NELL2: variants seen among roughly 807,000 people sequenced by gnomAD.
The protein encoded by NELL2 is neural EGFL like 2, also known as protein kinase C-binding protein NELL2.
A neutral mutation model predicts 109.6 loss-of-function variants in NELL2; 41 were observed. The ratio of observed to expected loss-of-function variants is 0.37; its 90% confidence interval spans 0.29 to 0.49. NELL2 has a LOEUF of 0.49. Ranked by LOEUF, NELL2 falls within the 20% of genes least tolerant of loss-of-function variation. NELL2 has a pLI of 0.98. For synonymous variants in NELL2, 355 were observed against 344.7 expected (o/e 1.03, Z -0.33); for missense variants, 900 against 1,008.3 (o/e 0.89, Z 1.45).
intron 9 of NELL2, among the ~76,000 whole-genome samples, chr12:44,767,906 G>A (rs1941399105): frequency 6.6e-6 from 1 of 152,114 alleles, no homozygotes; most frequent in Non-Finnish European, 1.5e-5. Flanking sequence ...CTGTTTGCAT[G>A]GTTTGCAGAT....
chr12:44,693,764 C>T (rs1948973650), intron 12 of NELL2, among the ~76,000 whole-genome samples: 1 of 152,142 alleles, frequency 6.6e-6, no homozygotes, highest in Non-Finnish European at 1.5e-5. Flanking sequence ...TTAGCTATGT[C>T]ACTTAGTAGG....
chr12:44,686,956 C>A (rs973610696), intron 12 of NELL2, among the ~76,000 whole-genome samples: 1 of 152,232 alleles, frequency 6.6e-6, no homozygotes, highest in Non-Finnish European at 1.5e-5. Flanking sequence ...GTTCTAGCTT[C>A]CCTGCTGCTT....
chr12:44,582,136 G>A (rs1041692115), intron 15 of NELL2, among the ~76,000 whole-genome samples: 1 of 152,216 alleles, frequency 6.6e-6, no homozygotes, highest in Non-Finnish European at 1.5e-5. Context: ...AGGGTGCTTT[G>A]ACAGAGAAAG....
rs138444333 is a variant in NELL2, at chr12:44,637,229, T to C, written c.1445-26259A>G. ...AGATTCATTGATTTTTGAAGGGTTTTTTGTGTCTGTATCTCCTTCAGTTCA... is the reference window on the plus strand; with the variant it reads ...AGATTCATTGATTTTTGAAGGGTTTCTTGTGTCTGTATCTCCTTCAGTTCA... On this transcript the variant is annotated intron_variant, in intron 13 of 19. Coordinates refer to ENST00000429094, the MANE Select transcript of NELL2 (RefSeq NM_001145108.2). Among the ~76,000 whole-genome samples the C allele has an allele frequency of 2.4e-3, 369 of 151,954 alleles. 1 individual carries two copies. Among genetic ancestry groups the C allele is most frequent in the African/African-American group, 8.5e-3 (351 of 41,458 alleles).
At chr12:44,849,350 T>C (rs575165793) in intron 2 of NELL2, among the ~76,000 whole-genome samples, 2 of 152,066 alleles carry the variant, frequency 1.3e-5, no homozygotes, top group Non-Finnish European at 2.9e-5. Flanking sequence ...AATAAAAAGA[T>C]GCAAATCTCA....
chr12:44,807,011 G>T (rs1041821056), intron 3 of NELL2, among the ~76,000 whole-genome samples: 1 of 151,270 alleles, frequency 6.6e-6, no homozygotes, highest in African/African-American at 2.4e-5. Context: ...GACTAAGACA[G>T]GGAAACCATA....
chr12:44,805,140 C>A (rs1942957331), intron 3 of NELL2, among the ~76,000 whole-genome samples: 1 of 151,736 alleles, frequency 6.6e-6, no homozygotes, highest in African/African-American at 2.4e-5. Flanking sequence ...TAGAAAGAAA[C>A]CATATTACTG....
chr12:44,862,540 T>C (rs977255786), intron 2 of NELL2, among the ~76,000 whole-genome samples: 5 of 152,242 alleles, frequency 3.3e-5, no homozygotes, highest in Admixed American at 3.3e-4. Flanking sequence ...TAAATAACTC[T>C]AAAAACAGTT....
At chr12:44,557,680 G>C (rs1943308841) in intron 15 of NELL2, among the ~76,000 whole-genome samples, 1 of 152,170 alleles carries the variant, frequency 6.6e-6, no homozygotes, top group African/African-American at 2.4e-5. Flanking sequence ...TGAAAACACA[G>C]GTATGGGGTT....
At chr12:44,537,842 A>G (rs1373438290) in intron 15 of NELL2, among the ~76,000 whole-genome samples, 1 of 152,172 alleles carries the variant, frequency 6.6e-6, no homozygotes, top group Non-Finnish European at 1.5e-5. Context: ...TTGGGTATAA[A>G]ATATTGTCTA....
intron 13 of NELL2, among the ~76,000 whole-genome samples, chr12:44,640,486 G>A (rs1462940360): frequency 6.6e-6 from 1 of 151,986 alleles, no homozygotes; most frequent in Non-Finnish European, 1.5e-5. Context: ...TTTTTCTCTA[G>A]TTTTAATAAA....
chr12:44,679,355 AATC>A (rs1358341590), intron 12 of NELL2, among the ~76,000 whole-genome samples: 2 of 152,170 alleles, frequency 1.3e-5, no homozygotes, highest in Admixed American at 1.3e-4. Context: ...GAAGGTTTAC[AATC>A]ATCATTGTAG....
chr12:44,811,840 G>T (rs1461201383), intron 3 of NELL2, among the ~76,000 whole-genome samples: 1 of 152,102 alleles, frequency 6.6e-6, no homozygotes. Context: ...CAGAGACTTT[G>T]TAGTCTAACT....
intron 9 of NELL2, among the ~76,000 whole-genome samples, chr12:44,729,248 T>G (rs1939237040): frequency 6.6e-6 from 1 of 151,762 alleles, no homozygotes; most frequent in South Asian, 2.1e-4. Context: ...GGGGAGTAAA[T>G]AGGTATATGG....
chr12:44,831,566 G>C (rs937091783), intron 2 of NELL2, among the ~76,000 whole-genome samples: 5 of 152,146 alleles, frequency 3.3e-5, no homozygotes, highest in African/African-American at 1.2e-4. Context: ...ACTTTTATCA[G>C]GGCACACATG....
intron 1 of NELL2, among the ~76,000 whole-genome samples, chr12:44,919,163 C>G (rs1384397572): frequency 6.6e-6 from 1 of 152,108 alleles, no homozygotes; most frequent in African/African-American, 2.4e-5. Context: ...CTAAATGATA[C>G]AACTGCCTAT....
At chr12:44,770,179 T>G (rs1034552969) in intron 9 of NELL2, among the ~76,000 whole-genome samples, 1 of 152,214 alleles carries the variant, frequency 6.6e-6, no homozygotes, top group African/African-American at 2.4e-5. Flanking sequence ...CTTTAAAATC[T>G]AAAGCTAATG....
intron 15 of NELL2, among the ~76,000 whole-genome samples, chr12:44,603,977 A>C (rs1945308511): frequency 6.6e-6 from 1 of 152,186 alleles, no homozygotes; most frequent in Non-Finnish European, 1.5e-5. Context: ...ATCCAACTCC[A>C]GCAGGCCAAA....
At chr12:44,598,183 A>C (rs1289284491) in intron 15 of NELL2, among the ~76,000 whole-genome samples, 5 of 137,048 alleles carry the variant, frequency 3.6e-5, no homozygotes, top group South Asian at 2.3e-4. Flanking sequence ...AAAAAAAAAA[A>C]CAGTAAGTTT....
Sources: allele counts gnomAD v4.1 joint callset (sites outside exome capture counted in the v4.1 genomes callset), GRCh38; gene constraint gnomAD v4.1.1; transcripts MANE v1.5; gene names NCBI Gene and HGNC (gene_info 2026-07-23, HGNC 2026-07-21).